The following C3orf20 variants were observed in gnomAD, a reference collection of about 807,000 sequenced individuals.
The protein encoded by C3orf20 is uncharacterized protein C3orf20.
Under a neutral mutation model 88.3 loss-of-function variants are expected in C3orf20, and 76 were observed. That is an observed-to-expected ratio of 0.86 (90% CI 0.72 to 1.04). The LOEUF is 1.04. Ranked by LOEUF, C3orf20 falls within the 50% of genes least tolerant of loss-of-function variation. C3orf20 has a pLI of 0.00. For synonymous variants in C3orf20, 436 were observed against 437.4 expected (o/e 1.00, Z 0.04); for missense variants, 1,056 against 1,123.3 (o/e 0.94, Z 0.86).
chr3:14,727,032 G>A lies in C3orf20; in HGVS notation c.1690+8G>A, dbSNP rs1038626528. The A allele has an allele frequency of 6.2e-7, 1 of 1,614,118 alleles. No individual in the cohort carries two copies. The highest frequency in any genetic ancestry group is 8.5e-7 in the Non-Finnish European group (1 of 1,180,014). On this transcript the variant is annotated splice_region_variant and intron_variant, in intron 11 of 16. Coordinates refer to ENST00000253697, the MANE Select transcript of C3orf20 (RefSeq NM_032137.5). ...CTATCTTGCTGGCCGCAGGTAAGGA[G>A]GCTGAAAGGTGGGCGAAGGCCTATC...
At chr3:14,688,207 T>A (rs901923703) in intron 4 of C3orf20, among the ~76,000 whole-genome samples, 7 of 152,190 alleles carry the variant, frequency 4.6e-5, no homozygotes, top group Non-Finnish European at 1.0e-4. Context: ...AGACCAAAGC[T>A]GTAACAGGTC....
intron 12 of C3orf20, among the ~76,000 whole-genome samples, chr3:14,756,280 C>G (rs1387727922): frequency 6.6e-6 from 1 of 151,574 alleles, no homozygotes; most frequent in Non-Finnish European, 1.5e-5. Context: ...GTGTAAATAC[C>G]ACAACCCTCA....
intron 12 of C3orf20, among the ~76,000 whole-genome samples, chr3:14,741,228 A>T (rs1575143818): frequency 6.6e-6 from 1 of 152,002 alleles, no homozygotes; most frequent in Admixed American, 6.6e-5. Flanking sequence ...CCTCAGATAG[A>T]TATAGCTCTT....
rs746325194 is a variant in C3orf20, at chr3:14,683,060, G to T, written c.347G>T (p.Arg116Leu). The T allele has an allele frequency of 3.1e-6, 5 of 1,611,068 alleles. No homozygotes were observed. The South Asian group carries it at 5.5e-5, about 18-fold the overall frequency. Residue 116 changes from arginine to leucine, a missense_variant, in exon 3 of 17, where the codon CGC becomes CTC. Arg to Leu is a moderately radical substitution (Grantham distance 102, BLOSUM62 -2). Transcript: ENST00000253697. ...CTGGCAACCACTGGGGCAGCCAAGC[G>T]CTCCACCCTCTCTCCCACCATGGCC... ...VLLATTGAAK[R>L]STLSPTMARQ...
chr3:14,683,378 C>T (rs1277401644), intron 3 of C3orf20, among the ~76,000 whole-genome samples, 181 bp downstream of exon 3: 1 of 152,122 alleles, frequency 6.6e-6, no homozygotes, highest in East Asian at 1.9e-4. Context: ...TGCCATTGCC[C>T]CAGCTTTCCA....
chr3:14,720,212 A>G (rs1232076616), intron 9 of C3orf20, among the ~76,000 whole-genome samples: 4 of 151,990 alleles, frequency 2.6e-5, no homozygotes, highest in Admixed American at 2.6e-4. Context: ...TTGTATATTT[A>G]GTAGAGACGG....
Position 14,772,094 on chromosome 3 carries a change from G to A in C3orf20, c.2523G>A (p.Glu841=). 2 of 1,614,214 alleles carry A rather than the reference G, an allele frequency of 1.2e-6. No homozygotes were observed. Among genetic ancestry groups the A allele is most frequent in the Non-Finnish European group, 1.7e-6 (2 of 1,180,040 alleles). ...TTCCCAACTCTGTCCTGAGCCTGGA[G>A]GATTCTGAATCAGTCAAGAAAGCCG... is the stretch of plus-strand genomic sequence containing the variant. The part of the protein sequence containing the change: ...FSVPNSVLSL[E]DSESVKKAES... Residue 841 remains glutamate (E), a synonymous_variant, in exon 16 of 17, where the codon GAG becomes GAA. Transcript: ENST00000253697. This position sits in a 1 kb window ranked among gnomAD's most constrained non-coding sequence, Gnocchi z 4.2.
intron 11 of C3orf20, 66 bp from the exon 12 acceptor site, chr3:14,728,373 C>G: frequency 6.3e-7 from 1 of 1,596,090 alleles, no homozygotes; most frequent in South Asian, 1.1e-5. Flanking sequence ...TGTTTCCAGT[C>G]TGGGACCAGG....
intron 8 of C3orf20, 129 bp downstream of exon 8, chr3:14,714,288 A>G (rs2033864156): frequency 2.0e-6 from 2 of 1,022,284 alleles, no homozygotes; most frequent in Non-Finnish European, 2.9e-6. Context: ...CTAGTAAGGC[A>G]GTGAGGCAGG....
At chr3:14,710,897 CT>C (rs57794141) in intron 7 of C3orf20, among the ~76,000 whole-genome samples, 114,358 of 136,388 alleles carry the variant, frequency 0.84, 47,804 homozygotes, top group Non-Finnish European at 0.87. Flanking sequence ...CTTTCTTTTT[CT>C]TTTTTTTTTT....
chr3:14,724,799 A>T (rs970947864), intron 10 of C3orf20, among the ~76,000 whole-genome samples: 1 of 152,236 alleles, frequency 6.6e-6, no homozygotes, highest in Non-Finnish European at 1.5e-5. Context: ...AGCTCACATT[A>T]TATTTCTAGT....
At chr3:14,762,456 T>C (rs527488704) in intron 15 of C3orf20, among the ~76,000 whole-genome samples, 1 of 152,174 alleles carries the variant, frequency 6.6e-6, no homozygotes, top group Non-Finnish European at 1.5e-5. Context: ...TAGGGGAACA[T>C]GAGCAGATTT....
chr3:14,709,146 A>G (rs2033640657), intron 7 of C3orf20, among the ~76,000 whole-genome samples: 1 of 152,222 alleles, frequency 6.6e-6, no homozygotes, highest in South Asian at 2.1e-4. Flanking sequence ...ATTAAATTAA[A>G]GAAGACCTAA....
At chr3:14,702,238 C>T (rs953210516) in intron 5 of C3orf20, among the ~76,000 whole-genome samples, 5 of 152,074 alleles carry the variant, frequency 3.3e-5, no homozygotes, top group African/African-American at 1.2e-4. Flanking sequence ...CTGATGAACC[C>T]ATCAGATCTC....
At chr3:14,756,011 A>G (rs1432914592) in intron 12 of C3orf20, among the ~76,000 whole-genome samples, 1 of 139,756 alleles carries the variant, frequency 7.2e-6, no homozygotes, top group Admixed American at 7.2e-5. Flanking sequence ...CCTGGGTGAC[A>G]GAGCGAGACT....
intron 15 of C3orf20, among the ~76,000 whole-genome samples, chr3:14,762,791 A>C (rs1017297759): frequency 6.6e-6 from 1 of 151,088 alleles, no homozygotes; most frequent in African/African-American, 2.5e-5. Flanking sequence ...CTACTCCCAC[A>C]CAGGACCCTC....
intron 14 of C3orf20, among the ~76,000 whole-genome samples, chr3:14,760,880 C>G (rs918878463): frequency 1.3e-5 from 2 of 151,986 alleles, no homozygotes; most frequent in Non-Finnish European, 2.9e-5. Flanking sequence ...AGTGAAGAGT[C>G]TGTCATTTTA....
intron 12 of C3orf20, among the ~76,000 whole-genome samples, chr3:14,739,778 C>T (rs1017183622): frequency 6.6e-6 from 1 of 152,222 alleles, no homozygotes; most frequent in Non-Finnish European, 1.5e-5. Flanking sequence ...TTAATCAGCA[C>T]TTGCTGCTTC....
At chr3:14,714,228 G>A in intron 8 of C3orf20, 69 bp downstream of exon 8, 1 of 1,542,580 alleles carries the variant, frequency 6.5e-7, no homozygotes, top group Non-Finnish European at 8.9e-7. Flanking sequence ...GGACTGAGGT[G>A]GTGACTACGA....
Sources: allele counts gnomAD v4.1 joint callset (sites outside exome capture counted in the v4.1 genomes callset), GRCh38; gene constraint gnomAD v4.1.1; non-coding constraint Gnocchi (gnomAD v3.1); transcripts MANE v1.5; gene names NCBI Gene and HGNC (gene_info 2026-07-23, HGNC 2026-07-21).